RANBP17: variants seen among roughly 807,000 people sequenced by gnomAD.
RANBP17 encodes the protein RAN binding protein 17.
Under a neutral mutation model 141.2 loss-of-function variants are expected in RANBP17, and 158 were observed. That is an observed-to-expected ratio of 1.12 (90% CI 0.98 to 1.28). RANBP17 has a LOEUF of 1.28. RANBP17 is among the 50% of genes most tolerant of loss of function. The pLI is 0.00. For synonymous variants in RANBP17, 430 were observed against 450.0 expected, an observed-to-expected ratio of 0.96 and a Z score of 0.56; for missense variants, 1,438 against 1,290.7, an observed-to-expected ratio of 1.11 and a Z score of -1.75.
chr5:170,993,900 A>AT (rs936628626), intron 14 of RANBP17, among the ~76,000 whole-genome samples: 10 of 151,820 alleles, frequency 6.6e-5, no homozygotes, highest in African/African-American at 9.7e-5. Context: ...TTAAAAAAGG[A>AT]TTTTTTTTCC....
intron 14 of RANBP17, among the ~76,000 whole-genome samples, chr5:171,051,145 AT>A (rs1471673509): frequency 6.6e-6 from 1 of 151,924 alleles, no homozygotes; most frequent in African/African-American, 2.4e-5. Context: ...ATATGTCAAA[AT>A]TGTCTGGGTT....
chr5:171,128,658 T>C (rs1455527089), intron 14 of RANBP17, among the ~76,000 whole-genome samples: 1 of 152,162 alleles, frequency 6.6e-6, no homozygotes. Flanking sequence ...AGGAGAGGAT[T>C]TGAAATATTC....
At position 171,145,615 on chromosome 5, in the gene RANBP17, A is replaced by G. The variant is rs148502768; in HGVS notation, c.1711-24515A>G. Among the ~76,000 whole-genome samples the G allele has an allele frequency of 2.0e-5, 3 of 152,312 alleles. No individual in the cohort carries two copies. The East Asian group carries it at 5.8e-4, about 29-fold the overall frequency. On this transcript the variant is annotated intron_variant, in intron 14 of 27. Coordinates refer to ENST00000523189, the MANE Select transcript of RANBP17 (RefSeq NM_022897.5). ...AATAATGAAATATTTTTATCAGCGC[A>G]ATAGAGAAAGATTGCATAACAAGCG...
intron 14 of RANBP17, among the ~76,000 whole-genome samples, chr5:171,026,088 G>A (rs957537754): frequency 6.6e-6 from 1 of 152,116 alleles, no homozygotes; most frequent in Non-Finnish European, 1.5e-5. Context: ...AGTATATTAT[G>A]TCTTTTAATT....
At chr5:171,107,210 A>G (rs879326686) in intron 14 of RANBP17, among the ~76,000 whole-genome samples, 2 of 152,224 alleles carry the variant, frequency 1.3e-5, no homozygotes, top group Non-Finnish European at 2.9e-5. Context: ...CAGCCTTTAC[A>G]TGGTCAGCCT....
chr5:170,912,022 C>T (rs964533768), intron 7 of RANBP17, among the ~76,000 whole-genome samples: 1 of 151,806 alleles, frequency 6.6e-6, no homozygotes, highest in East Asian at 1.9e-4. Context: ...CTTTACTTTC[C>T]AAGACCAGAG....
At chr5:171,212,846 A>T (rs1762987412) in intron 20 of RANBP17, among the ~76,000 whole-genome samples, 1 of 152,184 alleles carries the variant, frequency 6.6e-6, no homozygotes, top group African/African-American at 2.4e-5. Flanking sequence ...TGGCAAGGAG[A>T]TACCCAGTGT....
chr5:171,274,125 T>TGC (rs2128029672), intron 25 of RANBP17, among the ~76,000 whole-genome samples: 1 of 124,666 alleles, frequency 8.0e-6, no homozygotes, highest in African/African-American at 2.9e-5. Flanking sequence ...TGTGTGTGTG[T>TGC]GTGTGTGTGT....
At chr5:171,044,421 T>A (rs937692236) in intron 14 of RANBP17, among the ~76,000 whole-genome samples, 1 of 152,070 alleles carries the variant, frequency 6.6e-6, no homozygotes, top group Non-Finnish European at 1.5e-5. Flanking sequence ...TTATTAGCAA[T>A]TTTAATTCAT....
At chr5:170,870,812 G>GT (rs1164048034) in intron 1 of RANBP17, among the ~76,000 whole-genome samples, 3 of 152,122 alleles carry the variant, frequency 2.0e-5, no homozygotes, top group Non-Finnish European at 4.4e-5. Flanking sequence ...TTCCACAATG[G>GT]TTGAACTAAT....
chr5:171,296,875 T>C (rs899039368), intron 27 of RANBP17, among the ~76,000 whole-genome samples: 3 of 152,204 alleles, frequency 2.0e-5, no homozygotes, highest in African/African-American at 7.2e-5. Context: ...ATCACACCAC[T>C]GCACTCCAGC....
At chr5:170,931,479 G>C (rs1773376381) in intron 12 of RANBP17, among the ~76,000 whole-genome samples, 1 of 152,138 alleles carries the variant, frequency 6.6e-6, no homozygotes, top group Non-Finnish European at 1.5e-5. Flanking sequence ...TGAAGTCCTT[G>C]CCCATGCCTA....
chr5:171,196,108 C>A (rs985579824), intron 18 of RANBP17, among the ~76,000 whole-genome samples: 1 of 152,130 alleles, frequency 6.6e-6, no homozygotes, highest in Non-Finnish European at 1.5e-5. Flanking sequence ...ATAAATATGT[C>A]AATGAATGGC....
intron 14 of RANBP17, among the ~76,000 whole-genome samples, chr5:170,989,431 G>A (rs1206534308): frequency 1.3e-5 from 2 of 151,792 alleles, no homozygotes; most frequent in Non-Finnish European, 3.0e-5. Context: ...TTTCAAGATA[G>A]TGATCCTTTA....
chr5:171,063,767 T>A (rs1389142060), intron 14 of RANBP17, among the ~76,000 whole-genome samples: 3 of 152,132 alleles, frequency 2.0e-5, no homozygotes, highest in African/African-American at 7.2e-5. Context: ...CCCCCAGAGG[T>A]GGAGCCTACA....
chr5:171,200,267 G>A (rs527959951), intron 19 of RANBP17, among the ~76,000 whole-genome samples: 1 of 152,106 alleles, frequency 6.6e-6, no homozygotes, highest in South Asian at 2.1e-4. Flanking sequence ...TTCTTAAACG[G>A]AACAAAGTGA....
chr5:170,918,749 C>A lies in RANBP17; in HGVS notation c.991C>A (p.Arg331=). ...TCCAGGTAATTATCATGAATTTTGTCGATTTTTGGCTCGTTTAAAGACAAA... is the reference window on the plus strand; with the variant it reads ...TCCAGGTAATTATCATGAATTTTGTAGATTTTTGGCTCGTTTAAAGACAAA... ...SDPGNYHEFC[R]FLARLKTNYQ... is the part of the protein sequence containing the mutation. The change falls in exon 10 of 28, where the codon CGA becomes AGA. Residue 331 remains arginine, a synonymous_variant. Coordinates refer to ENST00000523189, the MANE Select transcript of RANBP17 (RefSeq NM_022897.5). 1.2e-6 allele frequency: 2 copies of A among 1,604,688 alleles called. No homozygotes were observed. Among genetic ancestry groups the A allele is most frequent in the South Asian group, 1.1e-5 (1 of 89,846 alleles).
rs1561711716 is a variant in RANBP17, at chr5:171,155,097, AT to A, written c.1711-15032del. ...CATCTAGAAAAAAAAAAAAAAAAAT[AT>A]ATATATATATATATATATATATGTA... On this transcript the variant is annotated intron_variant, in intron 14 of 27. Transcript: ENST00000523189. Among the ~76,000 whole-genome samples the A allele has an allele frequency of 8.5e-3, 851 of 100,376 alleles. 8 individuals carry two copies. The highest frequency in any genetic ancestry group is 0.029 in the African/African-American group (810 of 27,738). 65.9% of individuals were successfully genotyped at this position (100,376 alleles called of 152,430 possible).
At chr5:170,994,240 T>G (rs1047427889) in intron 14 of RANBP17, among the ~76,000 whole-genome samples, 4 of 152,062 alleles carry the variant, frequency 2.6e-5, no homozygotes, top group African/African-American at 9.7e-5. Flanking sequence ...CACCTGTTTA[T>G]CTAATCAAGT....
Sources: gnomAD v4.1 joint callset for allele counts (sites outside exome capture counted in the v4.1 genomes callset) on GRCh38, gnomAD v4.1.1 for gene constraint, MANE v1.5 for transcripts, NCBI Gene and HGNC (gene_info 2026-07-23, HGNC 2026-07-21) for gene names.